Variants in ASTN2 observed in about 807,000 individuals in gnomAD.
ASTN2 encodes astrotactin-2.
ASTN2 carries 54 observed loss-of-function variants against 139.8 expected under a neutral mutation model. That is an observed-to-expected ratio of 0.39 (90% CI 0.31 to 0.48). ASTN2 has a LOEUF of 0.48. Ranked by LOEUF, ASTN2 falls within the 20% of genes least tolerant of loss-of-function variation. ASTN2 has a pLI of 0.95. For synonymous variants in ASTN2, 756 were observed against 719.5 expected, an observed-to-expected ratio of 1.05 and a Z score of -0.81; for missense variants, 1,565 against 1,725.1, an observed-to-expected ratio of 0.91 and a Z score of 1.64.
chr9:116,655,567 T>C (rs1056810541), intron 16 of ASTN2, among the ~76,000 whole-genome samples: 2 of 152,186 alleles, frequency 1.3e-5, no homozygotes, highest in African/African-American at 4.8e-5. Context: ...CACAGAATTC[T>C]TTCTTCCACC....
intron 6 of ASTN2, among the ~76,000 whole-genome samples, chr9:117,033,644 A>G (rs1217348153): frequency 6.6e-6 from 1 of 152,116 alleles, no homozygotes; most frequent in Non-Finnish European, 1.5e-5. Flanking sequence ...TTCCAGAACT[A>G]GCCTGCTCTC....
rs192920907 is a variant in ASTN2, at chr9:116,481,951, C to T, written c.3497+5408G>A. On this transcript the variant is annotated intron_variant, in intron 20 of 22. Transcript: ENST00000313400. ...CTTGGGTATGAATCTGAGCTCTACTCCTTCTCATTATGTGACATTGGGGAA... is the reference window on the plus strand; with the variant it reads ...CTTGGGTATGAATCTGAGCTCTACTTCTTCTCATTATGTGACATTGGGGAA... Among the ~76,000 whole-genome samples, 638 of 152,298 alleles carry T rather than the reference C, an allele frequency of 4.2e-3. 3 individuals carry two copies. Among genetic ancestry groups the T allele is most frequent in the Middle Eastern group, 6.8e-3 (2 of 294 alleles).
chr9:116,491,083 T>C (rs1387316837), intron 19 of ASTN2, among the ~76,000 whole-genome samples: 1 of 152,228 alleles, frequency 6.6e-6, no homozygotes, highest in Non-Finnish European at 1.5e-5. Context: ...GCAGGTTTAA[T>C]TCAAGTGAAG....
At chr9:116,682,670 TATACACCATGGAATACTATGCAGCCA>T (rs1229077946) in intron 16 of ASTN2, among the ~76,000 whole-genome samples, 1 of 152,190 alleles carries the variant, frequency 6.6e-6, no homozygotes, top group Non-Finnish European at 1.5e-5. Context: ...ATGTGGCACA[TATACACCATGGAATACTATGCAGCCA>T]TAAAAAATGA....
chr9:116,505,404 T>C (rs1850066516), intron 19 of ASTN2, among the ~76,000 whole-genome samples: 1 of 151,912 alleles, frequency 6.6e-6, no homozygotes, highest in Non-Finnish European at 1.5e-5. Context: ...TGGATCTGAG[T>C]AGTCATTAGA....
At chr9:117,118,862 C>A (rs1447342588) in intron 4 of ASTN2, among the ~76,000 whole-genome samples, 1 of 152,172 alleles carries the variant, frequency 6.6e-6, no homozygotes, top group East Asian at 1.9e-4. Flanking sequence ...GTCACCTCCT[C>A]AAGAAGCCTT....
intron 19 of ASTN2, among the ~76,000 whole-genome samples, chr9:116,616,674 C>T (rs752465152): frequency 1.3e-5 from 2 of 152,018 alleles, no homozygotes; most frequent in African/African-American, 4.8e-5. Context: ...AGATGTGAAG[C>T]GTTATTGTTA....
At chr9:117,353,517 T>C (rs1025559927) in intron 1 of ASTN2, among the ~76,000 whole-genome samples, 19 of 152,106 alleles carry the variant, frequency 1.2e-4, no homozygotes, top group African/African-American at 4.6e-4. Context: ...AACTGAAGAG[T>C]TGAAGCATAG....
intron 11 of ASTN2, among the ~76,000 whole-genome samples, chr9:116,826,129 G>A (rs1831617206): frequency 6.6e-6 from 1 of 152,202 alleles, no homozygotes; most frequent in African/African-American, 2.4e-5. Context: ...ATGCTGAGCT[G>A]CACCCTACCA....
intron 5 of ASTN2, among the ~76,000 whole-genome samples, chr9:117,057,389 G>A (rs769590535): frequency 1.4e-4 from 21 of 152,140 alleles, no homozygotes; most frequent in Admixed American, 2.6e-4. Context: ...GGGTAGTGGT[G>A]GTTCCCTAAG....
intron 10 of ASTN2, among the ~76,000 whole-genome samples, chr9:116,913,915 C>A (rs557995826): frequency 1.3e-4 from 20 of 151,380 alleles, no homozygotes; most frequent in Admixed American, 6.6e-4. Flanking sequence ...TTCACATTCA[C>A]TTATGGTATT....
At chr9:116,946,760 A>G (rs1039756349) in intron 10 of ASTN2, among the ~76,000 whole-genome samples, 5 of 152,014 alleles carry the variant, frequency 3.3e-5, no homozygotes, top group Non-Finnish European at 7.4e-5. Context: ...GATGCAGGGC[A>G]GGAAAAGGGT....
chr9:117,268,858 C>G (rs1833995585), intron 2 of ASTN2, among the ~76,000 whole-genome samples: 1 of 152,192 alleles, frequency 6.6e-6, no homozygotes. Context: ...TTGACCAAAT[C>G]ACAATTCCAG....
intron 13 of ASTN2, among the ~76,000 whole-genome samples, chr9:116,774,328 A>G (rs563050919): frequency 3.9e-5 from 6 of 152,302 alleles, no homozygotes; most frequent in African/African-American, 1.4e-4. Flanking sequence ...CGTGCTTTCT[A>G]TTCTACACAG....
At chr9:117,087,907 A>G (rs1828609691) in intron 5 of ASTN2, among the ~76,000 whole-genome samples, 1 of 152,196 alleles carries the variant, frequency 6.6e-6, no homozygotes. Flanking sequence ...ATATTACTGG[A>G]AATAATTTCA....
chr9:117,304,252 C>T (rs776096742), intron 1 of ASTN2, among the ~76,000 whole-genome samples: 1 of 152,166 alleles, frequency 6.6e-6, no homozygotes, highest in African/African-American at 2.4e-5. Context: ...CTGGAAGATG[C>T]CGCCTCCTTT....
chr9:116,731,445 A>C (rs1828782097), intron 14 of ASTN2, among the ~76,000 whole-genome samples: 2 of 151,940 alleles, frequency 1.3e-5, no homozygotes, highest in South Asian at 4.2e-4. Flanking sequence ...TTTTTGAGAC[A>C]GAGTTTCACT....
chr9:117,295,457 T>A (rs1000035249), intron 1 of ASTN2, among the ~76,000 whole-genome samples: 1 of 152,156 alleles, frequency 6.6e-6, no homozygotes, highest in African/African-American at 2.4e-5. Flanking sequence ...TTTCCTGCCA[T>A]CTCTCACGCA....
chr9:116,697,584 C>A, intron 16 of ASTN2: 2 of 908,834 alleles, frequency 2.2e-6, no homozygotes, highest in Non-Finnish European at 3.4e-6. Flanking sequence ...CTGGTCATAG[C>A]TATTCTCTAA....
Sources: allele counts gnomAD v4.1 joint callset (sites outside exome capture counted in the v4.1 genomes callset), GRCh38; gene constraint gnomAD v4.1.1; transcripts MANE v1.5; gene names NCBI Gene and HGNC (gene_info 2026-07-23, HGNC 2026-07-21).